EXOC5: variants seen among roughly 807,000 people sequenced by gnomAD.
EXOC5 encodes the protein exocyst complex component 5.
EXOC5 carries 17 observed loss-of-function variants against 90.8 expected under a neutral mutation model. The ratio of observed to expected loss-of-function variants is 0.19; its 90% confidence interval spans 0.13 to 0.28. The LOEUF (loss-of-function observed/expected upper bound fraction) is 0.28, where lower values mean the gene tolerates loss of function less well. EXOC5 is among the 10% of genes least tolerant of loss of function. EXOC5 has a pLI of 1.00. For missense variants in EXOC5, 569 were observed against 830.6 expected, an observed-to-expected ratio of 0.69 and a Z score of 3.87; for synonymous variants, 260 against 270.0, an observed-to-expected ratio of 0.96 and a Z score of 0.36.
chr14:57,209,416 C>CA, intron 17 of EXOC5, 151 bp downstream of exon 17: 1 of 409,202 alleles, frequency 2.4e-6, no homozygotes, highest in Non-Finnish European at 4.4e-6. Context: ...ATTGGAACAA[C>CA]ACTGTTTCAG....
chr14:57,228,852 T>TAAAA (rs574621292), intron 12 of EXOC5, among the ~76,000 whole-genome samples: 3 of 70,454 alleles, frequency 4.3e-5, no homozygotes, highest in Non-Finnish European at 6.1e-5. Context: ...ACTTAAAGTA[T>TAAAA]AAAAAAAAAA....
rs1204529616 is a variant in EXOC5 at position 57,204,175 on chromosome 14, G to A, written c.*4434C>T. 1 of 152,106 alleles carries A rather than the reference G, an allele frequency of 6.6e-6. No homozygotes were observed. Among genetic ancestry groups the A allele is most frequent in the Admixed American group, 6.6e-5 (1 of 15,258 alleles). The allele number at this position is 152,106 out of a possible 1,614,324, so 9.4% of individuals were successfully genotyped here. On this transcript the variant is annotated 3_prime_UTR_variant, in exon 18 of 18. Coordinates refer to ENST00000621441, the MANE Select transcript of EXOC5 (RefSeq NM_006544.4). Reference sequence around the variant, plus strand: ...TTAATGGTACCTATCAAATAATAATGATAAAATACCTCGGGTCTAGTTCAA... The same window carrying A: ...TTAATGGTACCTATCAAATAATAATAATAAAATACCTCGGGTCTAGTTCAA...
chr14:57,259,748 A>G (rs566014232), intron 1 of EXOC5, among the ~76,000 whole-genome samples: 1 of 152,284 alleles, frequency 6.6e-6, no homozygotes, highest in East Asian at 1.9e-4. Flanking sequence ...ACTAATTGTC[A>G]TTTTGTCATT....
chr14:57,265,391 G>A (rs924733297), intron 1 of EXOC5, among the ~76,000 whole-genome samples: 1 of 152,126 alleles, frequency 6.6e-6, no homozygotes. Flanking sequence ...AATGTCCTCA[G>A]TAGTACAATA....
chr14:57,240,883 T>A (rs774205097), intron 4 of EXOC5, among the ~76,000 whole-genome samples: 43 of 152,102 alleles, frequency 2.8e-4, no homozygotes, highest in Non-Finnish European at 5.6e-4. Context: ...GACAGAGTCT[T>A]GCTCGGTCAC....
rs1228272962 is a variant in EXOC5 at position 57,208,355 on chromosome 14, C to A, written c.*254G>T. 3.0e-6 allele frequency: 1 copy of A among 332,384 alleles called. No homozygotes were observed. Among genetic ancestry groups the A allele is most frequent in the East Asian group, 4.5e-5 (1 of 22,002 alleles). The allele number at this position is 332,384 out of a possible 1,614,324, so 20.6% of individuals were successfully genotyped here. ...ACAGTGACATGTAGTTTTAGAGAAT[C>A]TGAAATTTCTACATTCAAGAATGGA... On this transcript the variant is annotated 3_prime_UTR_variant, in exon 18 of 18. Transcript: ENST00000621441.
chr14:57,246,945 T>A, intron 2 of EXOC5, 87 bp from the exon 3 acceptor site: 2 of 719,924 alleles, frequency 2.8e-6, no homozygotes, highest in Non-Finnish European at 4.4e-6. Context: ...ATAGTCTTAA[T>A]AAGAAGAGTT....
At chr14:57,239,887 C>G (rs1044192250) in intron 4 of EXOC5, among the ~76,000 whole-genome samples, 1 of 152,110 alleles carries the variant, frequency 6.6e-6, no homozygotes, top group Admixed American at 6.6e-5. Flanking sequence ...CTTTCTGGTA[C>G]TGAAATTCTG....
intron 12 of EXOC5, among the ~76,000 whole-genome samples, chr14:57,223,428 T>C (rs977212249): frequency 6.6e-6 from 1 of 152,106 alleles, no homozygotes; most frequent in Non-Finnish European, 1.5e-5. Flanking sequence ...ATAGGAATTC[T>C]ATAACCCCCT....
chr14:57,213,388 A>C lies in EXOC5; in HGVS notation c.1614-3327T>G, dbSNP rs568077920. On this transcript the variant is annotated intron_variant, in intron 15 of 17. Coordinates refer to ENST00000621441, the MANE Select transcript of EXOC5 (RefSeq NM_006544.4). ...CAGAGCAAGATCATATCTCTAAACA[A>C]ATTTTTTTTTATTTTTATATATTTA... 4.6e-5 allele frequency among the ~76,000 whole-genome samples: 7 copies of C among 151,574 alleles called. No individual in the cohort carries two copies. In the East Asian group the frequency reaches 1.4e-3, roughly 30 times the overall value.
Position 57,202,930 on chromosome 14 carries a change from TAA to T in EXOC5, c.*5677_*5678del, listed in dbSNP as rs1469433278. 10 of 152,284 alleles carry T rather than the reference TAA, an allele frequency of 6.6e-5. No homozygotes were observed. Among genetic ancestry groups the T allele is most frequent in the African/African-American group, 1.9e-4 (8 of 41,574 alleles). 9.4% of individuals were successfully genotyped at this position (152,284 alleles called of 1,614,324 possible). On this transcript the variant is annotated 3_prime_UTR_variant, in exon 18 of 18. Coordinates refer to ENST00000621441, the MANE Select transcript of EXOC5 (RefSeq NM_006544.4). ...TGAAAATACATTCTACTGGAGAACTTAAGAGAGGCACTTAGGTATTATTCCTT... is the reference window on the plus strand; with the variant it reads ...TGAAAATACATTCTACTGGAGAACTTGAGAGGCACTTAGGTATTATTCCTT...
At position 57,204,812 on chromosome 14, in the gene EXOC5, AAC is replaced by A. The variant is rs1882600643; in HGVS notation, c.*3795_*3796del. 1 of 152,460 alleles carries A rather than the reference AAC, an allele frequency of 6.6e-6. No individual in the cohort carries two copies. The highest frequency in any genetic ancestry group is 1.5e-5 in the Non-Finnish European group (1 of 67,910). 9.4% of individuals were successfully genotyped at this position (152,460 alleles called of 1,614,324 possible). A position where few individuals can be genotyped will look rare whatever the true frequency, so the allele number is the denominator to read the frequency against. On this transcript the variant is annotated 3_prime_UTR_variant, in exon 18 of 18. Coordinates refer to ENST00000621441, the MANE Select transcript of EXOC5 (RefSeq NM_006544.4). ...ACCATACATTGAACATATTAAGAAAAACACAACAGTAAATTAGATATTGACCC... is the reference window on the plus strand; with the variant it reads ...ACCATACATTGAACATATTAAGAAAAACAACAGTAAATTAGATATTGACCC...
At position 57,247,787 on chromosome 14, in the gene EXOC5, C is replaced by T. The variant is rs141137722; in HGVS notation, c.28-75G>A. ...AATATTACTTATAAAATTAAAACAG[C>T]TTCTACTAGGTAAAAACTTAAAATG... On this transcript the variant is annotated intron_variant, in intron 1 of 17. Transcript: ENST00000621441. The T allele has an allele frequency of 7.5e-5, 48 of 643,680 alleles. No individual in the cohort carries two copies. The East Asian group carries it at 1.1e-3, about 15-fold the overall frequency. 39.9% of individuals were successfully genotyped at this position (643,680 alleles called of 1,614,324 possible).
chr14:57,228,852 T>TA (rs574621292), intron 12 of EXOC5, among the ~76,000 whole-genome samples: 2,110 of 70,414 alleles, frequency 0.03, 33 homozygotes, highest in African/African-American at 0.069. Context: ...ACTTAAAGTA[T>TA]AAAAAAAAAA....
rs889805213 is a variant in EXOC5, at chr14:57,205,863, T to C, written c.*2746A>G. The C allele has an allele frequency of 1.5e-5, 7 of 455,866 alleles. No homozygotes were observed. Among genetic ancestry groups the C allele is most frequent in the African/African-American group, 6.0e-5 (3 of 50,032 alleles). 28.2% of individuals were successfully genotyped at this position (455,866 alleles called of 1,614,324 possible). ...GGAAGATCCTAAGGACTTGCAACTA[T>C]GGCAATCCTCAAAATGGGACCAAAA... On this transcript the variant is annotated 3_prime_UTR_variant, in exon 18 of 18. Transcript: ENST00000621441.
Position 57,204,403 on chromosome 14 carries a change from T to A in EXOC5, c.*4206A>T, listed in dbSNP as rs537256240. 1 of 152,242 alleles carries A rather than the reference T, an allele frequency of 6.6e-6. No individual in the cohort carries two copies. The highest frequency in any genetic ancestry group is 2.1e-4 in the South Asian group (1 of 4,830). The allele number at this position is 152,242 out of a possible 1,614,324, so 9.4% of individuals were successfully genotyped here. On this transcript the variant is annotated 3_prime_UTR_variant, in exon 18 of 18. Transcript: ENST00000621441. ...GCTTTTAAAACCCTTAACATGCAAT[T>A]CTGATTACATGAAAATGACTATCTA... is the stretch of plus-strand genomic sequence containing the variant.
chr14:57,241,482 G>A lies in EXOC5; in HGVS notation c.466-1823C>T, dbSNP rs148805913. 7.7e-3 allele frequency among the ~76,000 whole-genome samples: 1,176 copies of A among 152,256 alleles called. 20 individuals carry two copies. The highest frequency in any genetic ancestry group is 0.026 in the African/African-American group (1,094 of 41,552). Reference sequence around the variant, plus strand: ...ATACTTGGCACACAGCCTGCTCTATGCTTCCATAAGGAGTTTTTGTTCTTT... The same window carrying A: ...ATACTTGGCACACAGCCTGCTCTATACTTCCATAAGGAGTTTTTGTTCTTT... On this transcript the variant is annotated intron_variant, in intron 4 of 17. Transcript: ENST00000621441.
intron 1 of EXOC5, among the ~76,000 whole-genome samples, chr14:57,262,745 G>GTGTGTTTATATATACGTATATATATA (rs1566508327): frequency 1.2e-4 from 17 of 147,036 alleles, no homozygotes; most frequent in African/African-American, 4.1e-4. Context: ...ATATATGTGT[G>GTGTGTTTATATATACGTATATATATA]TGTGTATATA....
At chr14:57,240,862 CTTT>C (rs945502258) in intron 4 of EXOC5, among the ~76,000 whole-genome samples, 1 of 151,572 alleles carries the variant, frequency 6.6e-6, no homozygotes, top group South Asian at 2.1e-4. Context: ...TTTATTTTCT[CTTT>C]TTTTTGAGAC....
Sources: allele counts gnomAD v4.1 joint callset (sites outside exome capture counted in the v4.1 genomes callset), GRCh38; gene constraint gnomAD v4.1.1; transcripts MANE v1.5; gene names NCBI Gene and HGNC (gene_info 2026-07-23, HGNC 2026-07-21).